The following DSCAML1 variants were observed in gnomAD, a reference collection of about 807,000 sequenced individuals.
DSCAML1 encodes the protein cell adhesion molecule DSCAML1.
DSCAML1 carries 38 observed loss-of-function variants against 200.5 expected under a neutral mutation model. The ratio of observed to expected loss-of-function variants is 0.19; its 90% CI spans 0.15 to 0.25. The LOEUF is 0.25. DSCAML1 is among the 10% of genes least tolerant of loss of function. The pLI is 1.00. For missense variants in DSCAML1, 2,223 were observed against 2,858.8 expected (o/e 0.78, Z 5.07); for synonymous variants, 1,215 against 1,165.0 (o/e 1.04, Z -0.87).
chr11:117,616,042 C>A (rs971023218), intron 3 of DSCAML1, among the ~76,000 whole-genome samples: 19 of 152,228 alleles, frequency 1.2e-4, no homozygotes, highest in Non-Finnish European at 1.9e-4. Flanking sequence ...TTTGTGGTTG[C>A]AGCCACTCAG....
chr11:117,649,879 T>TC (rs2052593397), intron 3 of DSCAML1, among the ~76,000 whole-genome samples: 2 of 152,168 alleles, frequency 1.3e-5, no homozygotes, highest in African/African-American at 4.8e-5. Flanking sequence ...AAGTGCTTCC[T>TC]CCTTCCTCTG....
intron 7 of DSCAML1, among the ~76,000 whole-genome samples, chr11:117,517,942 G>A (rs77944184): frequency 0.045 from 6,800 of 152,288 alleles, 203 homozygotes; most frequent in East Asian, 0.12. Context: ...TGAGCCTTGC[G>A]GGAGAAGATG....
At position 117,486,426 on chromosome 11, in the gene DSCAML1, T is replaced by C. The variant is rs372330670; in HGVS notation, c.2360-4264A>G. Among the ~76,000 whole-genome samples, 16 of 150,442 alleles carry C rather than the reference T, an allele frequency of 1.1e-4. 1 individual carries two copies. In the East Asian group the frequency reaches 1.4e-3, roughly 13 times the overall value. ...GATGGGAAAGTGGCGGATGTGAAAA[T>C]GGCGGATGTGAAAGTGGCAGATATG... On this transcript the variant is annotated intron_variant, in intron 11 of 32. Coordinates refer to ENST00000651296, the MANE Select transcript of DSCAML1 (RefSeq NM_020693.4).
intron 3 of DSCAML1, among the ~76,000 whole-genome samples, chr11:117,623,139 AC>A (rs1199377291): frequency 1.3e-5 from 2 of 151,738 alleles, no homozygotes; most frequent in Non-Finnish European, 2.9e-5. Context: ...ACTAGCATCA[AC>A]TGAAATCTCC....
intron 3 of DSCAML1, among the ~76,000 whole-genome samples, chr11:117,717,228 C>T (rs1198422292): frequency 1.3e-5 from 2 of 152,182 alleles, no homozygotes; most frequent in Non-Finnish European, 2.9e-5. Context: ...AGGACACCGC[C>T]TGGGGCTCCT....
chr11:117,586,111 T>G (rs1341876814), intron 3 of DSCAML1, among the ~76,000 whole-genome samples: 1 of 152,200 alleles, frequency 6.6e-6, no homozygotes, highest in South Asian at 2.1e-4. Flanking sequence ...TCCCTCCTTT[T>G]GCAGATCTAG....
At chr11:117,608,280 C>T (rs1172735825) in intron 3 of DSCAML1, among the ~76,000 whole-genome samples, 2 of 152,080 alleles carry the variant, frequency 1.3e-5, no homozygotes, top group Non-Finnish European at 2.9e-5. Context: ...CACAGCCTTG[C>T]AAATAAATGT....
intron 1 of DSCAML1, among the ~76,000 whole-genome samples, chr11:117,785,256 C>A (rs75562690): frequency 6.6e-6 from 1 of 152,012 alleles, no homozygotes; most frequent in East Asian, 1.9e-4. Flanking sequence ...ATATGTGACC[C>A]GGGGGCTGAA....
intron 1 of DSCAML1, among the ~76,000 whole-genome samples, chr11:117,804,611 T>C (rs2055693805): frequency 6.6e-6 from 1 of 152,248 alleles, no homozygotes; most frequent in South Asian, 2.1e-4. Flanking sequence ...CCTATTCTGG[T>C]TTCCCTCTTT....
intron 3 of DSCAML1, among the ~76,000 whole-genome samples, chr11:117,601,044 A>C (rs1591310369): frequency 1.3e-5 from 2 of 152,212 alleles, no homozygotes; most frequent in Non-Finnish European, 2.9e-5. Flanking sequence ...TCCCTTGAAA[A>C]GTATTAAAAG....
intron 3 of DSCAML1, among the ~76,000 whole-genome samples, chr11:117,646,841 T>TAGAGAG (rs35144550): frequency 6.8e-6 from 1 of 146,756 alleles, no homozygotes; most frequent in Non-Finnish European, 1.5e-5. Flanking sequence ...AGAGGTCTCC[T>TAGAGAG]AGAGAGAGAG....
At chr11:117,528,938 C>T (rs566349915) in intron 4 of DSCAML1, among the ~76,000 whole-genome samples, 28 of 151,356 alleles carry the variant, frequency 1.8e-4, no homozygotes, top group Admixed American at 1.7e-3. Flanking sequence ...CCCCGCCCCC[C>T]CCCTTGGGAA....
At chr11:117,474,008 C>T (rs1208515785) in intron 14 of DSCAML1, among the ~76,000 whole-genome samples, 1 of 152,020 alleles carries the variant, frequency 6.6e-6, no homozygotes, top group Non-Finnish European at 1.5e-5. Context: ...GGAGAGGGAG[C>T]ACAAGTCAGT....
chr11:117,432,627 G>A (rs991910390), intron 29 of DSCAML1, 123 bp from the exon 30 acceptor site: 52 of 1,173,864 alleles, frequency 4.4e-5, no homozygotes, highest in Non-Finnish European at 9.6e-6. Flanking sequence ...TTGTTTGTTT[G>A]TTTTTTTGAG....
At chr11:117,595,299 AT>A in intron 3 of DSCAML1, among the ~76,000 whole-genome samples, 3 of 152,292 alleles carry the variant, frequency 2.0e-5, no homozygotes, top group Middle Eastern at 6.8e-3. Flanking sequence ...TAGAATACCA[AT>A]TTGTTGTAAG....
chr11:117,563,218 A>C (rs1213222125), intron 3 of DSCAML1, among the ~76,000 whole-genome samples: 1 of 152,164 alleles, frequency 6.6e-6, no homozygotes, highest in Non-Finnish European at 1.5e-5. Flanking sequence ...TTTCTTGCAT[A>C]TAGGAAGAAA....
rs1431478318 is a variant in DSCAML1 at position 117,701,526 on chromosome 11, C to A, written c.511+75265G>T. ...ATGCATCTGGAGGTACACAGGCAGGCCTCTTTGGAGGAGGAAGAGCTGGCT... is the reference window on the plus strand; with the variant it reads ...ATGCATCTGGAGGTACACAGGCAGGACTCTTTGGAGGAGGAAGAGCTGGCT... On this transcript the variant is annotated intron_variant, in intron 3 of 32. Transcript: ENST00000651296. Among the ~76,000 whole-genome samples the A allele has an allele frequency of 3.9e-5, 6 of 152,310 alleles. No individual in the cohort carries two copies. In the South Asian group the frequency reaches 6.2e-4, roughly 16 times the overall value.
intron 3 of DSCAML1, among the ~76,000 whole-genome samples, chr11:117,566,659 T>C (rs886636180): frequency 1.3e-5 from 2 of 151,758 alleles, no homozygotes; most frequent in Non-Finnish European, 2.9e-5. Flanking sequence ...ACATGTGCCA[T>C]GCTGGTGTGC....
chr11:117,748,852 C>A (rs542595082), intron 3 of DSCAML1, among the ~76,000 whole-genome samples: 35 of 152,338 alleles, frequency 2.3e-4, no homozygotes, highest in Admixed American at 2.0e-3. Context: ...AGGGAGGGAG[C>A]AGGAGAGGCA....
Sources: allele counts gnomAD v4.1 joint callset (sites outside exome capture counted in the v4.1 genomes callset), GRCh38; gene constraint gnomAD v4.1.1; transcripts MANE v1.5; gene names NCBI Gene and HGNC (gene_info 2026-07-23, HGNC 2026-07-21).